The following LARS2 variants were observed in gnomAD, a reference collection of about 807,000 sequenced individuals.
LARS2 encodes the protein leucine--tRNA ligase, mitochondrial.
LARS2 carries 81 observed loss-of-function variants against 116.6 expected under a neutral mutation model. That is an observed-to-expected ratio of 0.69 (90% CI 0.58 to 0.84). LARS2 has a LOEUF of 0.84. LARS2 is among the 40% of genes least tolerant of loss of function. The pLI is 0.00. For missense variants in LARS2, 968 were observed against 1,114.5 expected, an observed-to-expected ratio of 0.87 and a Z score of 1.87; for synonymous variants, 396 against 407.2, an observed-to-expected ratio of 0.97 and a Z score of 0.33.
At chr3:45,460,340 C>T (rs1699294767) in intron 8 of LARS2, among the ~76,000 whole-genome samples, 1 of 152,224 alleles carries the variant, frequency 6.6e-6, no homozygotes, top group Admixed American at 6.5e-5. Flanking sequence ...TGTCTGCTGA[C>T]AGTTGGGGTC....
chr3:45,513,018 G>A (rs1027509695), intron 15 of LARS2, 117 bp from the exon 16 acceptor site: 12 of 729,498 alleles, frequency 1.6e-5, no homozygotes, highest in Middle Eastern at 4.8e-4. Context: ...TGGTCAGCCC[G>A]CCTGCTTTTA....
intron 8 of LARS2, among the ~76,000 whole-genome samples, chr3:45,470,591 A>C (rs1699505508): frequency 6.6e-6 from 1 of 152,242 alleles, no homozygotes; most frequent in Non-Finnish European, 1.5e-5. Context: ...TATATAGGCC[A>C]AATGGCAACC....
At chr3:45,452,271 T>C (rs1292319572) in intron 7 of LARS2, among the ~76,000 whole-genome samples, 1 of 152,162 alleles carries the variant, frequency 6.6e-6, no homozygotes, top group East Asian at 1.9e-4. Flanking sequence ...TTCCAGATCT[T>C]AGTGGAAAGG....
At chr3:45,412,794 A>T (rs1384681501) in intron 4 of LARS2, among the ~76,000 whole-genome samples, 2 of 152,210 alleles carry the variant, frequency 1.3e-5, no homozygotes, top group Non-Finnish European at 2.9e-5. Context: ...CAGTAAGCAC[A>T]TATCCCTTAC....
intron 10 of LARS2, among the ~76,000 whole-genome samples, chr3:45,481,651 G>A (rs6441916): frequency 0.91 from 137,800 of 152,218 alleles, 63,946 homozygotes; most frequent in East Asian, 1. Context: ...GGAAATGTCT[G>A]TTCAGTTCTC....
At chr3:45,400,497 G>T in intron 4 of LARS2, 124 bp downstream of exon 4, 1 of 902,740 alleles carries the variant, frequency 1.1e-6, no homozygotes, top group Non-Finnish European at 1.6e-6. Flanking sequence ...CTTTGAAGAT[G>T]GACATGAAAA....
At chr3:45,516,921 G>A (rs1027461904) in intron 17 of LARS2, among the ~76,000 whole-genome samples, 3 of 152,296 alleles carry the variant, frequency 2.0e-5, no homozygotes, top group East Asian at 1.9e-4. Flanking sequence ...GAATAAACCC[G>A]TCCAACAGTC....
Position 45,524,040 on chromosome 3 carries a change from A to G in LARS2, c.2336A>G (p.Asp779Gly). ...ATTCTCCACAGCCCCGAGTTTGAGG[A>G]TGCTTTGTGTGCCCTGATGGTAATG... ...SVILHSPEFE[D>G]ALCALMVMAA... Residue 779 changes from aspartate (D) to glycine (G), a missense_variant, in exon 20 of 22, where the codon GAT becomes GGT. By Grantham distance (94) the Asp-to-Gly change is moderately conservative. Coordinates refer to ENST00000645846, the MANE Select transcript of LARS2 (RefSeq NM_015340.4). 6.2e-7 allele frequency: 1 copy of G among 1,613,914 alleles called. No individual in the cohort carries two copies. The highest frequency in any genetic ancestry group is 8.5e-7 in the Non-Finnish European group (1 of 1,179,976).
intron 20 of LARS2, among the ~76,000 whole-genome samples, chr3:45,533,807 C>T (rs1338971415): frequency 6.6e-6 from 1 of 152,156 alleles, no homozygotes; most frequent in African/African-American, 2.4e-5. Flanking sequence ...ACCAGATCTC[C>T]AACAGGACAT....
chr3:45,465,060 GACC>G (rs1699397755), intron 8 of LARS2, among the ~76,000 whole-genome samples: 1 of 152,034 alleles, frequency 6.6e-6, no homozygotes, highest in Non-Finnish European at 1.5e-5. Context: ...CCTATTCTCA[GACC>G]AGTGCTGAGC....
At chr3:45,424,984 T>C (rs1698571101) in intron 6 of LARS2, among the ~76,000 whole-genome samples, 1 of 152,232 alleles carries the variant, frequency 6.6e-6, no homozygotes, top group Non-Finnish European at 1.5e-5. Context: ...ATCAATGTGG[T>C]CTTGTATGGT....
intron 6 of LARS2, among the ~76,000 whole-genome samples, chr3:45,440,552 C>T (rs1412314922): frequency 6.6e-6 from 1 of 152,132 alleles, no homozygotes; most frequent in Non-Finnish European, 1.5e-5. Flanking sequence ...GGATGATTGA[C>T]TTGATAAACA....
chr3:45,425,527 A>G (rs960834815), intron 6 of LARS2, among the ~76,000 whole-genome samples: 22 of 152,336 alleles, frequency 1.4e-4, no homozygotes, highest in African/African-American at 5.3e-4. Flanking sequence ...GCCATGCTCT[A>G]TCAGAATTTT....
intron 8 of LARS2, among the ~76,000 whole-genome samples, chr3:45,470,182 T>G (rs185020585): frequency 2.0e-5 from 3 of 152,350 alleles, no homozygotes; most frequent in Admixed American, 2.0e-4. Context: ...TGTGGTCATG[T>G]CGTACCTTGT....
intron 20 of LARS2, among the ~76,000 whole-genome samples, chr3:45,540,578 C>T (rs1287084394): frequency 4.6e-5 from 7 of 152,168 alleles, no homozygotes; most frequent in African/African-American, 1.7e-4. Flanking sequence ...AAGCTATTCC[C>T]AGGTGAGGAC....
rs1386604849 is a variant in LARS2 at position 45,458,851 on chromosome 3, A to C, written c.715A>C (p.Arg239=). ...SGAKVEQKYL[R]QWFIKTTAYA... is the part of the protein sequence containing the mutation. Reference sequence around the variant, plus strand: ...AGCAAAGGTGGAACAGAAGTACCTCAGACAATGGTTTATTAAGACAACCGC... The same window carrying C: ...AGCAAAGGTGGAACAGAAGTACCTCCGACAATGGTTTATTAAGACAACCGC... Residue 239 remains arginine (R), a synonymous_variant, in exon 8 of 22, where the codon AGA becomes CGA. Transcript: ENST00000645846. 6.2e-7 allele frequency: 1 copy of C among 1,614,108 alleles called. No individual in the cohort carries two copies. The highest frequency in any genetic ancestry group is 2.2e-5 in the East Asian group (1 of 44,886).
chr3:45,424,930 T>G (rs1232146783), intron 6 of LARS2, among the ~76,000 whole-genome samples: 2 of 152,216 alleles, frequency 1.3e-5, no homozygotes, highest in Non-Finnish European at 2.9e-5. Context: ...CTGGAAGAAC[T>G]TTTTCATGTT....
At chr3:45,428,608 A>G (rs1312613462) in intron 6 of LARS2, among the ~76,000 whole-genome samples, 3 of 152,194 alleles carry the variant, frequency 2.0e-5, no homozygotes, top group Non-Finnish European at 4.4e-5. Flanking sequence ...TGGTGCAACC[A>G]TTATCACTCT....
chr3:45,417,352 C>A, intron 4 of LARS2, 130 bp from the exon 5 acceptor site: 1 of 706,882 alleles, frequency 1.4e-6, no homozygotes. Context: ...CTGTCAGATG[C>A]ATAACCTGAA....
Sources: gnomAD v4.1 joint callset for allele counts (sites outside exome capture counted in the v4.1 genomes callset) on GRCh38, gnomAD v4.1.1 for gene constraint, MANE v1.5 for transcripts, NCBI Gene and HGNC (gene_info 2026-07-23, HGNC 2026-07-21) for gene names.